PYROXD2: variants seen among roughly 807,000 people sequenced by gnomAD.
PYROXD2 encodes the protein pyridine nucleotide-disulphide oxidoreductase domain 2.
In PYROXD2, 69 loss-of-function variants were observed where a neutral mutation model predicts 71.1. That is an observed-to-expected ratio of 0.97 (90% CI 0.80 to 1.19). The LOEUF (loss-of-function observed/expected upper bound fraction) is 1.19, where lower values mean the gene tolerates loss of function less well. Among genes scored for constraint, PYROXD2 ranks in the 50% most tolerant of loss-of-function variants. The pLI is 0.00. For synonymous variants in PYROXD2, 287 were observed against 302.7 expected (o/e 0.95, Z 0.54); for missense variants, 745 against 748.9 (o/e 0.99, Z 0.06).
At position 98,394,085 on chromosome 10, in the gene PYROXD2, C is replaced by A. The variant is rs551097721; in HGVS notation, c.786-1002G>T. ...GTCCCGGCTGCTCCTCCTAGCATCACACTCACGCCACTTCATCATCATCAC... is the reference window on the plus strand; with the variant it reads ...GTCCCGGCTGCTCCTCCTAGCATCAAACTCACGCCACTTCATCATCATCAC... On this transcript the variant is annotated intron_variant, in intron 8 of 15. Coordinates refer to ENST00000370575, the MANE Select transcript of PYROXD2 (RefSeq NM_032709.3). 2.0e-5 allele frequency among the ~76,000 whole-genome samples: 3 copies of A among 152,324 alleles called. No individual in the cohort carries two copies. The South Asian group carries it at 6.2e-4, about 32-fold the overall frequency.
intron 1 of PYROXD2, among the ~76,000 whole-genome samples, chr10:98,412,928 C>G (rs1843837165): frequency 6.6e-6 from 1 of 152,160 alleles, no homozygotes; most frequent in Non-Finnish European, 1.5e-5. Context: ...TGGCTCCCAC[C>G]AGCCCGGGGA....
In PYROXD2 at chr10:98,383,661, T is replaced by G. The variant is rs1590923212; in HGVS notation, c.*137A>C. 1.3e-6 allele frequency: 1 copy of G among 755,124 alleles called. No homozygotes were observed. The allele number at this position is 755,124 out of a possible 1,614,324, so 46.8% of individuals were successfully genotyped here. On this transcript the variant is annotated 3_prime_UTR_variant, in exon 16 of 16. Coordinates refer to ENST00000370575, the MANE Select transcript of PYROXD2 (RefSeq NM_032709.3). The stretch of plus-strand genomic sequence containing the variant: ...CTTGCACTAAATGTAACTCGTACGT[T>G]TTTTCTAAAATAATTTCTTGAGCAT...
intron 5 of PYROXD2, among the ~76,000 whole-genome samples, chr10:98,398,063 A>C (rs1375652106): frequency 6.6e-6 from 1 of 151,780 alleles, no homozygotes; most frequent in African/African-American, 2.4e-5. Context: ...TTGTATTTTT[A>C]GTAGAGACGG....
chr10:98,396,560 G>A (rs996345385), intron 6 of PYROXD2, among the ~76,000 whole-genome samples: 25 of 152,128 alleles, frequency 1.6e-4, no homozygotes, highest in African/African-American at 5.3e-4. Flanking sequence ...CCTTCCATTC[G>A]CATACTCATG....
intron 14 of PYROXD2, among the ~76,000 whole-genome samples, chr10:98,386,944 C>T (rs752031258): frequency 1.3e-5 from 2 of 152,168 alleles, no homozygotes; most frequent in Non-Finnish European, 2.9e-5. Flanking sequence ...GCATAGTTGT[C>T]AAGGCAGAGG....
At position 98,386,327 on chromosome 10, in the gene PYROXD2, G is replaced by GGAAGGAAGGAAGGA. The variant is rs1554873931; in HGVS notation, c.1554+873_1554+874insTCCTTCCTTCCTTC. On this transcript the variant is annotated intron_variant, in intron 14 of 15. Coordinates refer to ENST00000370575, the MANE Select transcript of PYROXD2 (RefSeq NM_032709.3). ...GGAGGGAGGAAACAAGGAAGGGAGG[G>GGAAGGAAGGAAGGA]AGGAAGGAAGGAAGGAAGGAAGGAA... 8.7e-3 allele frequency among the ~76,000 whole-genome samples: 1,179 copies of GGAAGGAAGGAAGGA among 134,928 alleles called. 37 individuals carry two copies. Among genetic ancestry groups the GGAAGGAAGGAAGGA allele is most frequent in the East Asian group, 0.047 (212 of 4,554 alleles). 88.5% of individuals were successfully genotyped at this position (134,928 alleles called of 152,430 possible). A position where few individuals can be genotyped will look rare whatever the true frequency, so the allele number is the denominator to read the frequency against.
At chr10:98,387,362 A>G in intron 13 of PYROXD2, 55 bp from the exon 14 acceptor site, 1 of 1,310,436 alleles carries the variant, frequency 7.6e-7, no homozygotes, top group East Asian at 2.3e-5. Context: ...AGGAGGCACT[A>G]TGGGTGTACA....
intron 6 of PYROXD2, 35 bp downstream of exon 6, chr10:98,397,310 A>T (rs745440493): frequency 6.5e-7 from 1 of 1,536,102 alleles, no homozygotes; most frequent in Non-Finnish European, 8.8e-7. Context: ...CTTGAAGGTC[A>T]CTCATCATGC....
rs546129641 is a variant in PYROXD2, at chr10:98,392,299, C to T, written c.1062+133G>A. On this transcript the variant is annotated intron_variant, in intron 10 of 15. Transcript: ENST00000370575. ...CCCGTTTGCTACCTGCCCTTACCCC[C>T]CTGTTTCCCAAATGCAGAGACTTGG... The T allele has an allele frequency of 3.5e-6, 5 of 1,445,906 alleles. No individual in the cohort carries two copies. The East Asian group carries it at 9.3e-5, about 27-fold the overall frequency. The allele number at this position is 1,445,906 out of a possible 1,614,324, so 89.6% of individuals were successfully genotyped here.
At chr10:98,406,682 A>G (rs1843606607) in intron 4 of PYROXD2, among the ~76,000 whole-genome samples, 1 of 151,970 alleles carries the variant, frequency 6.6e-6, no homozygotes, top group Non-Finnish European at 1.5e-5. Flanking sequence ...TCACGAGATC[A>G]GGAGATCAAG....
At chr10:98,390,932 T>G (rs1462455124) in intron 11 of PYROXD2, 78 bp downstream of exon 11, 1 of 1,376,300 alleles carries the variant, frequency 7.3e-7, no homozygotes, top group Non-Finnish European at 1.0e-6. Context: ...GATGACTGAG[T>G]TCAGCTGCCC....
intron 4 of PYROXD2, among the ~76,000 whole-genome samples, chr10:98,405,394 C>T (rs1227497451): frequency 1.3e-5 from 2 of 152,206 alleles, no homozygotes; most frequent in African/African-American, 4.8e-5. Context: ...TAATTGGATA[C>T]AGCCTTATAA....
intron 4 of PYROXD2, among the ~76,000 whole-genome samples, chr10:98,406,855 G>A (rs894602686): frequency 1.5e-5 from 2 of 132,776 alleles, no homozygotes; most frequent in Admixed American, 8.4e-5. Context: ...TCGCGCCACC[G>A]TACTCCAGCC....
chr10:98,401,316 G>A (rs558735232), intron 4 of PYROXD2, among the ~76,000 whole-genome samples: 1 of 150,590 alleles, frequency 6.6e-6, no homozygotes, highest in South Asian at 2.1e-4. Flanking sequence ...GGCATAAAAG[G>A]TAAGAAAAAT....
At chr10:98,391,716 T>G (rs1842950463) in intron 10 of PYROXD2, among the ~76,000 whole-genome samples, 2 of 152,222 alleles carry the variant, frequency 1.3e-5, no homozygotes, top group Non-Finnish European at 2.9e-5. Context: ...TCAAACCATG[T>G]GATGCTTGCA....
intron 8 of PYROXD2, among the ~76,000 whole-genome samples, chr10:98,394,772 A>G (rs1180191681): frequency 6.6e-6 from 1 of 152,024 alleles, no homozygotes; most frequent in Non-Finnish European, 1.5e-5. Context: ...ACAGTGAGAG[A>G]GAAGGGAGAA....
At chr10:98,401,172 G>A (rs933071219) in intron 4 of PYROXD2, among the ~76,000 whole-genome samples, 4 of 148,856 alleles carry the variant, frequency 2.7e-5, no homozygotes, top group South Asian at 2.2e-4. Flanking sequence ...AGAATTGCTC[G>A]AACCTGGAAG....
At chr10:98,401,086 C>T (rs1233450940) in intron 4 of PYROXD2, among the ~76,000 whole-genome samples, 1 of 151,902 alleles carries the variant, frequency 6.6e-6, no homozygotes, top group Admixed American at 6.6e-5. Flanking sequence ...AACCCCGTCT[C>T]TAGTAAGAAT....
intron 8 of PYROXD2, among the ~76,000 whole-genome samples, chr10:98,394,367 A>G (rs200228278): frequency 6.6e-6 from 1 of 152,138 alleles, no homozygotes; most frequent in African/African-American, 2.4e-5. Context: ...CCAAGCCCCC[A>G]TCTCCATCGC....
Sources: gnomAD v4.1 joint callset for allele counts (sites outside exome capture counted in the v4.1 genomes callset) on GRCh38, gnomAD v4.1.1 for gene constraint, MANE v1.5 for transcripts, NCBI Gene and HGNC (gene_info 2026-07-23, HGNC 2026-07-21) for gene names.